The following EIF4ENIF1 variants were observed in gnomAD, a reference collection of about 807,000 sequenced individuals.
EIF4ENIF1 encodes the protein eukaryotic translation initiation factor 4E transporter.
Under a neutral mutation model 110.5 loss-of-function variants are expected in EIF4ENIF1, and 23 were observed. The observed-to-expected ratio is 0.21, with a 90% CI of 0.15 to 0.29. The LOEUF (loss-of-function observed/expected upper bound fraction) is 0.29. Among genes scored for constraint, EIF4ENIF1 ranks in the 10% least tolerant of loss-of-function variants. The pLI is 1.00. For synonymous variants in EIF4ENIF1, 440 were observed against 437.0 expected (o/e 1.01, Z -0.09); for missense variants, 1,031 against 1,221.1 (o/e 0.84, Z 2.32).
intron 6 of EIF4ENIF1, among the ~76,000 whole-genome samples, chr22:31,462,454 C>T (rs2051027744): frequency 6.7e-6 from 1 of 149,700 alleles, no homozygotes; most frequent in Admixed American, 6.7e-5. Context: ...CACTGCACTC[C>T]AGCCCGGGCA....
At position 31,442,265 on chromosome 22, in the gene EIF4ENIF1, C is replaced by T. The variant is rs117215712; in HGVS notation, c.2207-147G>A. ...TAGAGGACTACACGGTAGGAACCATCGTTTGCTTCATAAACAGGACCAGAA... is the reference window on the plus strand; with the variant it reads ...TAGAGGACTACACGGTAGGAACCATTGTTTGCTTCATAAACAGGACCAGAA... On this transcript the variant is annotated intron_variant, in intron 16 of 18. Coordinates refer to ENST00000330125, the MANE Select transcript of EIF4ENIF1 (RefSeq NM_019843.4). The T allele has an allele frequency of 1.5e-4, 101 of 658,362 alleles. No homozygotes were observed. In the East Asian group the frequency reaches 1.8e-3, roughly 12 times the overall value. 40.8% of individuals were successfully genotyped at this position (658,362 alleles called of 1,614,324 possible).
intron 3 of EIF4ENIF1, among the ~76,000 whole-genome samples, chr22:31,471,459 C>T (rs973240953): frequency 3.3e-5 from 5 of 152,086 alleles, no homozygotes; most frequent in Admixed American, 6.6e-5. Context: ...GGACTACAGG[C>T]GCACGCCACC....
upstream of EIF4ENIF1, among the ~76,000 whole-genome samples, chr22:31,492,857 G>C (rs901214316): frequency 7.9e-5 from 12 of 151,978 alleles, no homozygotes; most frequent in African/African-American, 2.7e-4. Flanking sequence ...TCAGCCTCCT[G>C]AGTAGCTGGG....
downstream of EIF4ENIF1, among the ~76,000 whole-genome samples, chr22:31,439,113 G>GGAA (rs1245935715): frequency 6.6e-6 from 1 of 152,170 alleles, no homozygotes; most frequent in African/African-American, 2.4e-5. Context: ...TTAGAAATTA[G>GGAA]GAAGACTAGC....
rs1316616122 is a variant in EIF4ENIF1 at position 31,454,395 on chromosome 22, C to A, written c.1280-19G>T. 3.7e-6 allele frequency: 6 copies of A among 1,606,698 alleles called. No homozygotes were observed. Among genetic ancestry groups the A allele is most frequent in the Non-Finnish European group, 5.1e-6 (6 of 1,174,012 alleles). On this transcript the variant is annotated intron_variant, in intron 9 of 18. Coordinates refer to ENST00000330125, the MANE Select transcript of EIF4ENIF1 (RefSeq NM_019843.4). ...GAATGTGCTGAGAAGTTGAGAACGT[C>A]CAGGTTAAATCAAGCAAAGAGATAT...
intron 7 of EIF4ENIF1, 97 bp downstream of exon 7, chr22:31,458,378 C>A: frequency 8.9e-7 from 1 of 1,122,630 alleles, no homozygotes; most frequent in Non-Finnish European, 1.2e-6. Flanking sequence ...AGCCAAAAAC[C>A]CCAAAAGCAT....
chr22:31,469,596 T>C (rs1321471614), intron 3 of EIF4ENIF1, among the ~76,000 whole-genome samples: 7 of 152,146 alleles, frequency 4.6e-5, no homozygotes, highest in Non-Finnish European at 1.5e-5. Flanking sequence ...CTCAGAGAGG[T>C]GAAAGGAAAT....
rs546848497 is a variant in EIF4ENIF1, at chr22:31,442,896, C to T, written c.2206+66G>A. On this transcript the variant is annotated intron_variant, in intron 16 of 18. Transcript: ENST00000330125. ...TTGTATAGAATATCAGGCTGGTCAG[C>T]GCTCAGGCCCATGTTTTCTCCATCA... The T allele has an allele frequency of 3.2e-5, 50 of 1,586,472 alleles. No individual in the cohort carries two copies. The East Asian group carries it at 7.4e-4, about 23-fold the overall frequency.
rs1443011645 is a variant in EIF4ENIF1 at position 31,455,121 on chromosome 22, T to C, written c.1279+15A>G. ...CCTTTTCAGATATCTAAAACAGATA[T>C]TCATAAACACTTACAGCTTTCTTTA... On this transcript the variant is annotated intron_variant, in intron 9 of 18. Transcript: ENST00000330125. 11 of 1,599,880 alleles carry C rather than the reference T, an allele frequency of 6.9e-6. No homozygotes were observed. The highest frequency in any genetic ancestry group is 1.1e-5 in the South Asian group (1 of 88,244).
chr22:31,474,341 G>A (rs535630027), intron 2 of EIF4ENIF1, among the ~76,000 whole-genome samples: 11 of 152,206 alleles, frequency 7.2e-5, no homozygotes, highest in Admixed American at 4.6e-4. Flanking sequence ...GATTACAGGC[G>A]TGAGCCACCG....
intron 2 of EIF4ENIF1, among the ~76,000 whole-genome samples, chr22:31,480,860 T>C (rs568054384): frequency 6.6e-6 from 1 of 151,616 alleles, no homozygotes; most frequent in African/African-American, 2.4e-5. Context: ...AGGTCAGGAG[T>C]TTGAGACCAT....
At chr22:31,437,467 C>T (rs979386416), downstream of EIF4ENIF1, 3 of 139,410 alleles carry the variant, frequency 2.2e-5, no homozygotes, top group Non-Finnish European at 3.1e-5. Context: ...CCCACCCTCC[C>T]GCTTCCTCTA....
At chr22:31,447,930 TAC>T (rs1420328472) in intron 13 of EIF4ENIF1, among the ~76,000 whole-genome samples, 4 of 152,214 alleles carry the variant, frequency 2.6e-5, no homozygotes, top group Non-Finnish European at 5.9e-5. Context: ...TAGCTGGGAC[TAC>T]AGATGCATGC....
intron 15 of EIF4ENIF1, 81 bp from the exon 16 acceptor site, chr22:31,443,175 A>ACTCAACAAAGAGTCC: frequency 6.4e-7 from 1 of 1,554,570 alleles, no homozygotes; most frequent in Non-Finnish European, 8.7e-7. Context: ...TTGTCAAGAT[A>ACTCAACAAAGAGTCC]CTCAACAAAG....
chr22:31,473,612 G>T (rs1485903679), intron 2 of EIF4ENIF1, among the ~76,000 whole-genome samples: 2 of 152,210 alleles, frequency 1.3e-5, no homozygotes, highest in East Asian at 1.9e-4. Context: ...ATTTTGGGTT[G>T]GTCTGATGTT....
chr22:31,467,103 T>C (rs2051214939), intron 4 of EIF4ENIF1, among the ~76,000 whole-genome samples: 1 of 152,212 alleles, frequency 6.6e-6, no homozygotes, highest in Non-Finnish European at 1.5e-5. Flanking sequence ...CATTCCCATA[T>C]ATGGATACAC....
At position 31,468,275 on chromosome 22, in the gene EIF4ENIF1, C is replaced by T; in HGVS notation, c.198G>A (p.Trp66Ter). ...DSDGVWDPEK[W>*]HASLYPASGR... ...CTGAAGCTGGGTAGAGAGAGGCATG[C>T]CACTTCTCAGGGTCCCAGACACCAT... The change falls in exon 4 of 19, where the codon TGG becomes TGA. Residue 66 changes from tryptophan (W) to a stop codon, truncating the protein, a stop_gained. Transcript: ENST00000330125. LOFTEE classifies it high-confidence loss of function. 1 of 1,614,160 alleles carries T rather than the reference C, an allele frequency of 6.2e-7. No homozygotes were observed. Among genetic ancestry groups the T allele is most frequent in the Non-Finnish European group, 8.5e-7 (1 of 1,180,034 alleles).
chr22:31,450,284 A>G lies in EIF4ENIF1; in HGVS notation c.1584+5T>C, dbSNP rs1294679112. 6.2e-7 allele frequency: 1 copy of G among 1,612,568 alleles called. No homozygotes were observed. The highest frequency in any genetic ancestry group is 1.1e-5 in the South Asian group (1 of 91,044). ...CCAAGGCCTCAGTATAAGATTGTGA[A>G]GTACCTGCAGGATGTTCTTAGGGAC... On this transcript the variant is annotated splice_donor_5th_base_variant and intron_variant, in intron 11 of 18. Transcript: ENST00000330125.
chr22:31,475,469 G>A (rs1200746398), intron 2 of EIF4ENIF1, among the ~76,000 whole-genome samples: 1 of 151,916 alleles, frequency 6.6e-6, no homozygotes, highest in Non-Finnish European at 1.5e-5. Flanking sequence ...TTCATCGAGT[G>A]GGCCGGGCAC....
Sources: gnomAD v4.1 joint callset for allele counts (sites outside exome capture counted in the v4.1 genomes callset) on GRCh38, gnomAD v4.1.1 for gene constraint, MANE v1.5 for transcripts, NCBI Gene and HGNC (gene_info 2026-07-23, HGNC 2026-07-21) for gene names.